DHRSX: variants seen among roughly 807,000 people sequenced by gnomAD.
The protein encoded by DHRSX is dehydrogenase/reductase X-linked.
DHRSX carries 31 observed loss-of-function variants against 34.0 expected under a neutral mutation model. The ratio of observed to expected loss-of-function variants is 0.91; its 90% CI spans 0.69 to 1.23. DHRSX has a LOEUF of 1.23. DHRSX is among the 50% of genes most tolerant of loss of function. The pLI is 0.00. For missense variants in DHRSX, 414 were observed against 428.1 expected, an observed-to-expected ratio of 0.97 and a Z score of 0.29; for synonymous variants, 201 against 183.8, an observed-to-expected ratio of 1.09 and a Z score of -0.76.
intron 1 of DHRSX, among the ~76,000 whole-genome samples, chrX:2,463,327 AACAACG>A (rs2044429433): frequency 6.6e-6 from 1 of 152,002 alleles, no homozygotes; most frequent in Non-Finnish European, 1.5e-5. Context: ...AAACAACAAC[AACAACG>A]GTTGGATCAA....
At chrX:2,348,049 CCA>C (rs2042742728) in intron 3 of DHRSX, among the ~76,000 whole-genome samples, 1 of 152,144 alleles carries the variant, frequency 6.6e-6, no homozygotes, top group South Asian at 2.1e-4. Context: ...TCAGCCAAAC[CCA>C]CAGTCAGGCA....
Position 2,244,802 on chromosome X carries a change from C to T in DHRSX, c.597-1572G>A, listed in dbSNP as rs190504951. Among the ~76,000 whole-genome samples the T allele has an allele frequency of 5.3e-5, 8 of 152,140 alleles. 1 individual carries two copies. Among genetic ancestry groups the T allele is most frequent in the African/African-American group, 1.9e-4 (8 of 41,520 alleles). ...TCTCGGCTCACTGCAAGCTCCTCCT[C>T]TCGGGTTCAAGTCATTCTCCTGCCT... On this transcript the variant is annotated intron_variant, in intron 5 of 6. Transcript: ENST00000334651.
intron 6 of DHRSX, among the ~76,000 whole-genome samples, chrX:2,235,924 C>A (rs1199389280): frequency 2.0e-5 from 3 of 149,708 alleles, no homozygotes; most frequent in African/African-American, 7.4e-5. Context: ...CCATCCCGGC[C>A]AACATGGTGA....
intron 3 of DHRSX, among the ~76,000 whole-genome samples, chrX:2,366,495 T>C (rs1262192991): frequency 6.6e-6 from 1 of 151,806 alleles, no homozygotes; most frequent in Non-Finnish European, 1.5e-5. Flanking sequence ...TTCTTGGAAA[T>C]TGTATTTTTA....
At chrX:2,235,682 G>T (rs1374845667) in intron 6 of DHRSX, among the ~76,000 whole-genome samples, 1 of 140,548 alleles carries the variant, frequency 7.1e-6, no homozygotes, top group African/African-American at 2.7e-5. Context: ...GGCAGGTGTT[G>T]CAGTGAGCCA....
chrX:2,296,053 A>T (rs990890347), intron 3 of DHRSX, among the ~76,000 whole-genome samples: 12 of 151,988 alleles, frequency 7.9e-5, no homozygotes, highest in Non-Finnish European at 1.6e-4. Context: ...CCTGAACCCC[A>T]AGCCACGCCG....
rs1210951993 is a variant in DHRSX at position 2,282,797 on chromosome X, AAGAG to A, written c.388+8701_388+8704del. Among the ~76,000 whole-genome samples, 19 of 94,150 alleles carry A rather than the reference AAGAG, an allele frequency of 2.0e-4. 1 individual carries two copies. In the East Asian group the frequency reaches 6.4e-3, roughly 32 times the overall value. 61.8% of individuals were successfully genotyped at this position (94,150 alleles called of 152,430 possible). On this transcript the variant is annotated intron_variant, in intron 4 of 6. Transcript: ENST00000334651. ...GGGAGGGAGGGGGAGAGAGAGAAGAAAGAGAGAAGAGAGAAAGAGAGAGAGGGAG... is the reference window on the plus strand; with the variant it reads ...GGGAGGGAGGGGGAGAGAGAGAAGAAAGAAGAGAGAAAGAGAGAGAGGGAG...
At chrX:2,234,837 A>C (rs1007998339) in intron 6 of DHRSX, among the ~76,000 whole-genome samples, 10 of 152,160 alleles carry the variant, frequency 6.6e-5, no homozygotes, top group Non-Finnish European at 1.2e-4. Flanking sequence ...CAGCTTCCCG[A>C]GTAGCTGGGA....
At chrX:2,334,182 G>C (rs867385894) in intron 3 of DHRSX, 2 of 21,926 alleles carry the variant, frequency 9.1e-5, no homozygotes, top group African/African-American at 6.7e-4. Context: ...TTTTTTTTTT[G>C]AGACACAGTC....
chrX:2,303,153 A>G (rs1467903770), intron 3 of DHRSX, among the ~76,000 whole-genome samples: 1 of 152,200 alleles, frequency 6.6e-6, no homozygotes, highest in African/African-American at 2.4e-5. Flanking sequence ...AAAAACTAGA[A>G]GATGCATTTT....
At chrX:2,321,692 G>A (rs1183981212) in intron 3 of DHRSX, among the ~76,000 whole-genome samples, 2 of 151,994 alleles carry the variant, frequency 1.3e-5, no homozygotes, top group Non-Finnish European at 2.9e-5. Context: ...GTACTATAGA[G>A]AAATAAATTT....
chrX:2,309,991 G>C (rs1205948672), intron 3 of DHRSX, among the ~76,000 whole-genome samples: 2 of 152,142 alleles, frequency 1.3e-5, no homozygotes, highest in Non-Finnish European at 2.9e-5. Context: ...GTTCAGCTCA[G>C]AGCAGCAACA....
chrX:2,425,155 A>AAAC, intron 2 of DHRSX, 42 bp downstream of exon 2: 1 of 1,510,874 alleles, frequency 6.6e-7, no homozygotes. Flanking sequence ...AAAAAAAAAA[A>AAAC]CCGAAAAAAC....
intron 4 of DHRSX, among the ~76,000 whole-genome samples, chrX:2,287,451 T>C (rs1384879769): frequency 3.3e-5 from 5 of 151,066 alleles, no homozygotes; most frequent in South Asian, 2.1e-4. Context: ...CCTGAAGATG[T>C]CCACATCCTA....
intron 3 of DHRSX, among the ~76,000 whole-genome samples, chrX:2,380,300 CAAAAAAAAAAAAAA>C (rs60910908): frequency 2.4e-5 from 1 of 41,602 alleles, no homozygotes; most frequent in Non-Finnish European, 4.6e-5. Context: ...GACTCCGTCT[CAAAAAAAAAAAAAA>C]AAAAAAAAAA....
chrX:2,259,126 A>G (rs2041319672), intron 5 of DHRSX, among the ~76,000 whole-genome samples: 1 of 152,000 alleles, frequency 6.6e-6, no homozygotes, highest in South Asian at 2.1e-4. Flanking sequence ...TATAAAAATT[A>G]TCTGGGCGTG....
At chrX:2,307,317 G>C (rs1403183027) in intron 3 of DHRSX, among the ~76,000 whole-genome samples, 1 of 152,100 alleles carries the variant, frequency 6.6e-6, no homozygotes, top group Admixed American at 6.6e-5. Context: ...CAAGAGCAGG[G>C]GAGGGAGAGG....
intron 2 of DHRSX, among the ~76,000 whole-genome samples, chrX:2,411,752 C>CAA (rs112913508): frequency 0.023 from 3,381 of 149,828 alleles, 129 homozygotes; most frequent in African/African-American, 0.079. Flanking sequence ...CAAAACAAAA[C>CAA]AAAAAAAAAC....
intron 3 of DHRSX, among the ~76,000 whole-genome samples, chrX:2,349,956 G>A (rs1246096314): frequency 6.6e-6 from 1 of 150,440 alleles, no homozygotes; most frequent in Admixed American, 6.7e-5. Context: ...GGAGAATGGC[G>A]TGAACCTGGG....
Sources: allele counts gnomAD v4.1 joint callset (sites outside exome capture counted in the v4.1 genomes callset), GRCh38; gene constraint gnomAD v4.1.1; transcripts MANE v1.5; gene names NCBI Gene and HGNC (gene_info 2026-07-23, HGNC 2026-07-21).